The following EPM2A variants were observed in gnomAD, a reference collection of about 807,000 sequenced individuals.
EPM2A encodes the protein laforin.
In EPM2A, 21 loss-of-function variants were observed where a neutral mutation model predicts 26.5. The ratio of observed to expected loss-of-function variants is 0.79; its 90% CI spans 0.56 to 1.14. The LOEUF (loss-of-function observed/expected upper bound fraction) is 1.14. Among genes scored for constraint, EPM2A ranks in the 50% most tolerant of loss-of-function variants. EPM2A has a pLI of 0.00. For missense variants in EPM2A, 458 were observed against 440.8 expected (o/e 1.04, Z -0.35); for synonymous variants, 217 against 177.6 (o/e 1.22, Z -1.76).
At chr6:145,477,738 T>A (rs1019133291) in intron 4 of EPM2A, among the ~76,000 whole-genome samples, 1 of 151,918 alleles carries the variant, frequency 6.6e-6, no homozygotes, top group African/African-American at 2.4e-5. Context: ...TATTGCTTCA[T>A]GATGAAAACC....
intron 4 of EPM2A, among the ~76,000 whole-genome samples, chr6:145,407,406 A>G (rs551845135): frequency 1.3e-5 from 2 of 152,280 alleles, no homozygotes; most frequent in South Asian, 2.1e-4. Context: ...AGCCTCTAAA[A>G]TTAGCCATAC....
chr6:145,385,031 T>C (rs1346337281), intron 4 of EPM2A, among the ~76,000 whole-genome samples: 2 of 147,824 alleles, frequency 1.4e-5, no homozygotes, highest in Non-Finnish European at 3.0e-5. Flanking sequence ...GAAATGTAAA[T>C]AGCATCGCAT....
At chr6:145,490,599 C>T (rs889195603) in intron 4 of EPM2A, 4 of 677,382 alleles carry the variant, frequency 5.9e-6, no homozygotes, top group Non-Finnish European at 1.1e-5. Flanking sequence ...AATTTAGGTG[C>T]TGTTTCCATG....
intron 4 of EPM2A, among the ~76,000 whole-genome samples, chr6:145,448,073 T>C (rs1779148248): frequency 6.6e-6 from 1 of 152,124 alleles, no homozygotes; most frequent in African/African-American, 2.4e-5. Flanking sequence ...AGGACATAAG[T>C]ATGTATAAGA....
At chr6:145,501,824 A>G (rs1434125863) in exon 4 of EPM2A, 1 of 471,184 alleles carries the variant, frequency 2.1e-6, no homozygotes, top group South Asian at 1.5e-5. Context: ...TGTTTTAAGT[A>G]ATCCAGAATC....
intron 2 of EPM2A, among the ~76,000 whole-genome samples, chr6:145,612,633 C>T (rs1775414991): frequency 8.1e-6 from 1 of 123,824 alleles, no homozygotes; most frequent in Non-Finnish European, 1.8e-5. Flanking sequence ...TAAAGCAAGT[C>T]ACACAATTTT....
At chr6:145,421,570 T>C (rs1208671578) in intron 4 of EPM2A, among the ~76,000 whole-genome samples, 2 of 151,830 alleles carry the variant, frequency 1.3e-5, no homozygotes, top group Non-Finnish European at 2.9e-5. Flanking sequence ...AGAGAAGTTG[T>C]TTAAAAAAAA....
At chr6:145,714,961 T>C (rs962800551) in intron 1 of EPM2A, among the ~76,000 whole-genome samples, 56 of 152,274 alleles carry the variant, frequency 3.7e-4, no homozygotes, top group Non-Finnish European at 2.8e-4. Context: ...AGTGAGTGAC[T>C]GTGGTAATAG....
chr6:145,708,942 A>C (rs1782382603), intron 1 of EPM2A, among the ~76,000 whole-genome samples: 1 of 152,156 alleles, frequency 6.6e-6, no homozygotes, highest in Admixed American at 6.5e-5. Flanking sequence ...GAGATATAAA[A>C]TCAAAGGAGA....
intron 2 of EPM2A, among the ~76,000 whole-genome samples, chr6:145,677,289 A>G (rs1255510114): frequency 6.6e-6 from 1 of 152,212 alleles, no homozygotes; most frequent in Non-Finnish European, 1.5e-5. Flanking sequence ...ATCTCAAAAT[A>G]GTAAGAGCTA....
At chr6:145,689,674 A>C (rs759383212) in intron 1 of EPM2A, among the ~76,000 whole-genome samples, 2 of 152,242 alleles carry the variant, frequency 1.3e-5, no homozygotes, top group African/African-American at 2.4e-5. Context: ...ACACTACTCC[A>C]GTCAAACCCA....
intron 2 of EPM2A, among the ~76,000 whole-genome samples, chr6:145,540,498 A>C (rs958682708): frequency 7.2e-5 from 11 of 152,106 alleles, no homozygotes; most frequent in African/African-American, 2.7e-4. Flanking sequence ...CAACCTCAAC[A>C]AATTTTTTTC....
chr6:145,515,284 G>A (rs955262562), intron 2 of EPM2A, among the ~76,000 whole-genome samples: 13 of 152,280 alleles, frequency 8.5e-5, no homozygotes, highest in African/African-American at 2.9e-4. Context: ...CAATTTTCTA[G>A]AACTGAAATA....
intron 1 of EPM2A, among the ~76,000 whole-genome samples, chr6:145,718,083 A>G (rs1206181771): frequency 6.6e-6 from 1 of 151,912 alleles, no homozygotes; most frequent in Non-Finnish European, 1.5e-5. Flanking sequence ...CCATCAGGCT[A>G]CCAATGACTT....
At chr6:145,489,480 G>A in intron 4 of EPM2A, 1 of 526,310 alleles carries the variant, frequency 1.9e-6, no homozygotes, top group South Asian at 2.2e-5. Flanking sequence ...CTGGGGAAGA[G>A]GAATCAATTT....
chr6:145,642,678 C>T (rs1466254699), intron 2 of EPM2A, among the ~76,000 whole-genome samples: 4 of 152,116 alleles, frequency 2.6e-5, no homozygotes, highest in Non-Finnish European at 5.9e-5. Context: ...AAGGTGCTCT[C>T]TGAAAAGGTG....
intron 1 of EPM2A, among the ~76,000 whole-genome samples, chr6:145,719,711 A>G (rs916641238): frequency 6.6e-6 from 1 of 152,154 alleles, no homozygotes; most frequent in Non-Finnish European, 1.5e-5. Flanking sequence ...TTTCCCCTCA[A>G]CTAAAAATAT....
intron 2 of EPM2A, among the ~76,000 whole-genome samples, chr6:145,506,767 C>G (rs1417701495): frequency 1.3e-5 from 2 of 152,166 alleles, no homozygotes; most frequent in African/African-American, 4.8e-5. Context: ...AGCTGCAGTC[C>G]TTGGATCTGA....
intron 4 of EPM2A, among the ~76,000 whole-genome samples, chr6:145,477,268 C>T (rs750965668): frequency 7.3e-4 from 111 of 151,760 alleles, no homozygotes; most frequent in African/African-American, 2.4e-3. Flanking sequence ...TAACAAGAAA[C>T]GAGATCAAAG....
Sources: gnomAD v4.1 joint callset for allele counts (sites outside exome capture counted in the v4.1 genomes callset) on GRCh38, gnomAD v4.1.1 for gene constraint, MANE v1.5 for transcripts, NCBI Gene and HGNC (gene_info 2026-07-23, HGNC 2026-07-21) for gene names.